ZC4H2: variants seen among roughly 807,000 people sequenced by gnomAD.
ZC4H2 encodes the protein zinc finger C4H2-type containing.
For missense variants in ZC4H2, 137 were observed against 173.9 expected, an observed-to-expected ratio of 0.79 and a Z score of 1.19; for synonymous variants, 84 against 66.3, an observed-to-expected ratio of 1.27 and a Z score of -1.30.
chrX:64,946,175 T>C (rs1930522320), intron 1 of ZC4H2, among the ~76,000 whole-genome samples: 1 of 111,216 alleles, frequency 9.0e-6, no homozygotes, highest in Non-Finnish European at 1.9e-5. Context: ...AAAAACCTCC[T>C]CCAGCTAGCT....
At chrX:64,995,901 C>T (rs1265463995) in intron 1 of ZC4H2, among the ~76,000 whole-genome samples, 3 of 112,317 alleles carry the variant, frequency 2.7e-5, no homozygotes, top group Non-Finnish European at 3.8e-5. Context: ...ATAAACAACA[C>T]GAAGATGCTT....
At chrX:64,969,426 C>A (rs1411965006) in intron 1 of ZC4H2, among the ~76,000 whole-genome samples, 1 of 111,343 alleles carries the variant, frequency 9.0e-6, no homozygotes, top group Non-Finnish European at 1.9e-5. Flanking sequence ...GACCTGTAGG[C>A]CTTGAAGATG....
chrX:64,952,301 T>A (rs1290852545), intron 1 of ZC4H2, among the ~76,000 whole-genome samples: 1 of 108,839 alleles, frequency 9.2e-6, no homozygotes, highest in African/African-American at 3.4e-5. Context: ...TTTGGTTCCA[T>A]ATGAACTTTC....
upstream of ZC4H2, among the ~76,000 whole-genome samples, chrX:64,978,795 T>A (rs961186292): frequency 2.7e-5 from 3 of 111,528 alleles, no homozygotes; most frequent in African/African-American, 9.8e-5. Context: ...AGTGTATGTA[T>A]CTATGTCAAA....
intron 1 of ZC4H2, among the ~76,000 whole-genome samples, chrX:65,027,288 T>G (rs1011236139): frequency 8.9e-6 from 1 of 111,871 alleles, no homozygotes; most frequent in Non-Finnish European, 1.9e-5. Context: ...GGAATAGATC[T>G]GAAACGTTTT....
chrX:65,020,176 A>T (rs1039447228), intron 1 of ZC4H2, among the ~76,000 whole-genome samples: 1 of 111,830 alleles, frequency 8.9e-6, no homozygotes, highest in Non-Finnish European at 1.9e-5. Context: ...AAATTCGGAA[A>T]ATACAGAGAA....
intron 1 of ZC4H2, among the ~76,000 whole-genome samples, chrX:64,962,073 C>G (rs1319738162): frequency 1.8e-5 from 2 of 111,446 alleles, no homozygotes; most frequent in Non-Finnish European, 3.8e-5. Context: ...GAGCCTAGCA[C>G]TACCCTAATA....
chrX:64,940,873 C>T (rs1360797969), intron 1 of ZC4H2, among the ~76,000 whole-genome samples: 1 of 111,959 alleles, frequency 8.9e-6, no homozygotes, highest in Non-Finnish European at 1.9e-5. Context: ...ACTGTCTTTG[C>T]TATACGGGCT....
intron 1 of ZC4H2, among the ~76,000 whole-genome samples, chrX:64,928,682 T>TTCTTCTTCTTCTTCTTCC (rs1331300174): frequency 1.1e-4 from 10 of 91,941 alleles, no homozygotes; most frequent in African/African-American, 3.4e-4. Flanking sequence ...CTTCTTCTTC[T>TTCTTCTTCTTCTTCTTCC]TCCTCCTCCT....
chrX:64,919,695 A>G (rs1351305508), intron 3 of ZC4H2: 1 of 152,217 alleles, frequency 6.6e-6, no homozygotes, highest in Non-Finnish European at 1.3e-5. Flanking sequence ...GAAGACCAGG[A>G]AAGCTCAGTC....
At chrX:64,947,002 C>T (rs1408224571) in intron 1 of ZC4H2, among the ~76,000 whole-genome samples, 1 of 111,401 alleles carries the variant, frequency 9.0e-6, no homozygotes, top group Non-Finnish European at 1.9e-5. Context: ...TTTTTCATTA[C>T]TGCTTTTACT....
intron 1 of ZC4H2, 67 bp from the exon 2 acceptor site, chrX:64,922,055 C>CT: frequency 8.5e-7 from 1 of 1,170,088 alleles, no homozygotes; most frequent in Middle Eastern, 2.4e-4. Context: ...GGAGCCAGGA[C>CT]TTTTTTTCTA....
intron 1 of ZC4H2, among the ~76,000 whole-genome samples, chrX:64,988,915 G>A (rs1285698055): frequency 4.3e-4 from 41 of 94,578 alleles, no homozygotes; most frequent in African/African-American, 2.9e-3. Flanking sequence ...TGTAAGGAAG[G>A]GATCCAGTTT....
At chrX:65,012,043 A>G (rs757176997) in intron 1 of ZC4H2, among the ~76,000 whole-genome samples, 39 of 108,293 alleles carry the variant, frequency 3.6e-4, no homozygotes, top group African/African-American at 1.2e-3. Flanking sequence ...GTTGTTTGGC[A>G]GACTCCAGTC....
chrX:65,000,725 T>A (rs1369623105), intron 1 of ZC4H2, among the ~76,000 whole-genome samples: 1 of 111,400 alleles, frequency 9.0e-6, no homozygotes, highest in East Asian at 2.8e-4. Context: ...GAATAACCAG[T>A]TTAGAGAAGA....
At chrX:64,938,769 G>T (rs141766913) in intron 1 of ZC4H2, among the ~76,000 whole-genome samples, 6 of 111,576 alleles carry the variant, frequency 5.4e-5, no homozygotes, top group Admixed American at 9.5e-5. Context: ...AATAAACCAG[G>T]TATCAATGAA....
chrX:64,923,536 GTC>G (rs1378173640), intron 1 of ZC4H2, among the ~76,000 whole-genome samples: 2 of 110,331 alleles, frequency 1.8e-5, no homozygotes, highest in Non-Finnish European at 3.8e-5. Context: ...CTTGTCTTCA[GTC>G]TCTCTTTTCT....
At chrX:64,969,882 G>T (rs958330324) in intron 1 of ZC4H2, among the ~76,000 whole-genome samples, 1 of 111,861 alleles carries the variant, frequency 8.9e-6, no homozygotes, top group Non-Finnish European at 1.9e-5. Context: ...AAATGTTTAG[G>T]GGTGGGGCTG....
chrX:65,002,620 G>T (rs2147280411), intron 1 of ZC4H2, among the ~76,000 whole-genome samples: 1 of 111,646 alleles, frequency 9.0e-6, no homozygotes, highest in East Asian at 2.8e-4. Flanking sequence ...AATAGAAAAG[G>T]GGGAAATGTG....
Sources: allele counts gnomAD v4.1 joint callset (sites outside exome capture counted in the v4.1 genomes callset), GRCh38; gene constraint gnomAD v4.1.1; transcripts MANE v1.5; gene names NCBI Gene and HGNC (gene_info 2026-07-23, HGNC 2026-07-21).